The following MGAT4C variants were observed in gnomAD, a reference collection of about 807,000 sequenced individuals.
MGAT4C encodes the protein alpha-1,3-mannosyl-glycoprotein 4-beta-N-acetylglucosaminyltransferase C.
In MGAT4C, 19 loss-of-function variants were observed where a neutral mutation model predicts 40.1. That is an observed-to-expected ratio of 0.47 (90% CI 0.33 to 0.70). MGAT4C has a LOEUF of 0.70. MGAT4C is among the 30% of genes least tolerant of loss of function. The pLI is 0.02. For missense variants in MGAT4C, 491 were observed against 563.2 expected, an observed-to-expected ratio of 0.87 and a Z score of 1.30; for synonymous variants, 181 against 187.1, an observed-to-expected ratio of 0.97 and a Z score of 0.27.
chr12:86,308,654 A>C (rs1953998766), intron 4 of MGAT4C, among the ~76,000 whole-genome samples: 1 of 150,694 alleles, frequency 6.6e-6, no homozygotes, highest in African/African-American at 2.5e-5. Flanking sequence ...AAAATACACA[A>C]AAACTGAGAA....
rs190200022 is a variant in MGAT4C at position 86,106,327 on chromosome 12, T to C, written c.-56-56604A>G. ...GGTTAGTTTAGTGTTGTTTCTGAGATACAGTGTCTGTTGCCCCGGCTGGAG... is the reference window on the plus strand; with the variant it reads ...GGTTAGTTTAGTGTTGTTTCTGAGACACAGTGTCTGTTGCCCCGGCTGGAG... On this transcript the variant is annotated intron_variant, in intron 1 of 4. Coordinates refer to ENST00000611864, the MANE Select transcript of MGAT4C (RefSeq NM_001351288.2). Among the ~76,000 whole-genome samples the C allele has an allele frequency of 2.1e-3, 324 of 152,244 alleles. 2 individuals carry two copies. The highest frequency in any genetic ancestry group is 5.9e-4 in the Non-Finnish European group (40 of 67,998).
intron 2 of MGAT4C, among the ~76,000 whole-genome samples, chr12:86,608,356 A>T (rs1425216795): frequency 2.0e-5 from 3 of 152,086 alleles, no homozygotes; most frequent in Non-Finnish European, 4.4e-5. Context: ...AGAAAGGGAG[A>T]TCACTTAAAG....
intron 2 of MGAT4C, among the ~76,000 whole-genome samples, chr12:86,457,622 G>A (rs1389724652): frequency 1.3e-5 from 2 of 151,970 alleles, no homozygotes; most frequent in African/African-American, 4.8e-5. Context: ...TAGCTGAAAT[G>A]TCATCTTAGT....
chr12:86,233,733 G>T (rs1338137762), intron 1 of MGAT4C, among the ~76,000 whole-genome samples: 1 of 152,002 alleles, frequency 6.6e-6, no homozygotes, highest in Admixed American at 6.6e-5. Flanking sequence ...ATAATTTAAA[G>T]AAAAACTCAT....
chr12:86,477,570 A>T (rs970296536), intron 2 of MGAT4C, among the ~76,000 whole-genome samples: 8 of 151,962 alleles, frequency 5.3e-5, no homozygotes, highest in African/African-American at 9.7e-5. Flanking sequence ...AAACGCAGAT[A>T]AAAAAATGTC....
chr12:86,410,997 G>A (rs1012501108), intron 3 of MGAT4C, among the ~76,000 whole-genome samples: 1 of 146,680 alleles, frequency 6.8e-6, no homozygotes, highest in African/African-American at 2.5e-5. Flanking sequence ...TTTACCTTCT[G>A]CCATAATTGT....
chr12:86,307,466 T>C (rs1190174021), intron 4 of MGAT4C, among the ~76,000 whole-genome samples: 1 of 150,360 alleles, frequency 6.7e-6, no homozygotes, highest in Non-Finnish European at 1.5e-5. Flanking sequence ...TAAGAATTAT[T>C]ACTATCTAGC....
intron 3 of MGAT4C, among the ~76,000 whole-genome samples, chr12:86,405,916 T>G (rs1437000414): frequency 3.6e-5 from 1 of 27,826 alleles, no homozygotes; most frequent in Non-Finnish European, 5.6e-5. Context: ...GTAATATGTA[T>G]GTATTTATAT....
chr12:86,067,286 T>C (rs1894636308), intron 1 of MGAT4C, among the ~76,000 whole-genome samples: 1 of 152,178 alleles, frequency 6.6e-6, no homozygotes, highest in Non-Finnish European at 1.5e-5. Context: ...CTTTTCACAA[T>C]AGCAAAGACT....
Position 86,053,349 on chromosome 12 carries a change from A to G in MGAT4C, c.-56-3626T>C, listed in dbSNP as rs916507678. On this transcript the variant is annotated intron_variant, in intron 1 of 4. Transcript: ENST00000611864. ...AGGATGTTCTGTCCCTTGGTTGGGC[A>G]TGACTTGCCTTAGCTGAACTAAGAA... Among the ~76,000 whole-genome samples, 5 of 151,950 alleles carry G rather than the reference A, an allele frequency of 3.3e-5. No individual in the cohort carries two copies. In the South Asian group the frequency reaches 1.0e-3, roughly 32 times the overall value.
intron 4 of MGAT4C, among the ~76,000 whole-genome samples, chr12:86,296,318 C>T (rs1441159394): frequency 6.6e-6 from 1 of 152,242 alleles, no homozygotes; most frequent in Non-Finnish European, 1.5e-5. Flanking sequence ...CCCCACCAGA[C>T]TCAGGAGCCC....
intron 1 of MGAT4C, among the ~76,000 whole-genome samples, chr12:86,189,406 TA>T (rs773715924): frequency 2.6e-5 from 4 of 151,666 alleles, no homozygotes; most frequent in South Asian, 4.2e-4. Context: ...CCTCAACTTG[TA>T]AAAAAAATCA....
chr12:86,575,750 T>C (rs1485375293), intron 2 of MGAT4C, among the ~76,000 whole-genome samples: 1 of 151,870 alleles, frequency 6.6e-6, no homozygotes, highest in Non-Finnish European at 1.5e-5. Flanking sequence ...GATAATATAG[T>C]AGCTCAATTT....
chr12:86,742,176 C>T (rs935277892), intron 1 of MGAT4C, among the ~76,000 whole-genome samples: 2 of 151,440 alleles, frequency 1.3e-5, no homozygotes, highest in East Asian at 3.9e-4. Context: ...CTCCCTGATA[C>T]AAGTTTCTGA....
intron 3 of MGAT4C, among the ~76,000 whole-genome samples, chr12:86,368,719 G>A (rs2136209492): frequency 6.6e-6 from 1 of 151,804 alleles, no homozygotes; most frequent in East Asian, 1.9e-4. Context: ...TTGATTTCTA[G>A]TTTCATTCCA....
At chr12:85,989,618 T>C (rs1364175670) in intron 2 of MGAT4C, 66 bp from the exon 3 acceptor site, 66 of 1,408,414 alleles carry the variant, frequency 4.7e-5, no homozygotes, top group Non-Finnish European at 1.8e-5. Context: ...TTATCGCATA[T>C]ATAAAAGTCA....
At chr12:86,243,737 G>A (rs1017964374) in intron 1 of MGAT4C, among the ~76,000 whole-genome samples, 2 of 152,004 alleles carry the variant, frequency 1.3e-5, no homozygotes. Context: ...GTCTGAAAAC[G>A]AACCCTGAAC....
At chr12:86,007,696 C>T (rs558137490) in intron 2 of MGAT4C, among the ~76,000 whole-genome samples, 2 of 151,938 alleles carry the variant, frequency 1.3e-5, no homozygotes, top group Non-Finnish European at 2.9e-5. Flanking sequence ...CAAAGGTGAA[C>T]AGTATTTTTC....
At chr12:86,462,449 T>C (rs1362025788) in intron 2 of MGAT4C, among the ~76,000 whole-genome samples, 1 of 152,148 alleles carries the variant, frequency 6.6e-6, no homozygotes, top group Non-Finnish European at 1.5e-5. Flanking sequence ...TGACAACACA[T>C]GGAACGTTTG....
Sources: gnomAD v4.1 joint callset for allele counts (sites outside exome capture counted in the v4.1 genomes callset) on GRCh38, gnomAD v4.1.1 for gene constraint, MANE v1.5 for transcripts, NCBI Gene and HGNC (gene_info 2026-07-23, HGNC 2026-07-21) for gene names.